The following LARGE1 variants were observed in gnomAD, a reference collection of about 807,000 sequenced individuals.
LARGE1 encodes xylosyl- and glucuronyltransferase LARGE1.
LARGE1 carries 43 observed loss-of-function variants against 87.6 expected under a neutral mutation model. The ratio of observed to expected loss-of-function variants is 0.49; its 90% CI spans 0.38 to 0.63. LARGE1 has a LOEUF of 0.63. Among genes scored for constraint, LARGE1 ranks in the 30% least tolerant of loss-of-function variants. The pLI is 0.00. For missense variants in LARGE1, 802 were observed against 1,000.2 expected, an observed-to-expected ratio of 0.80 and a Z score of 2.67; for synonymous variants, 434 against 394.6, an observed-to-expected ratio of 1.10 and a Z score of -1.18.
chr22:33,709,139 T>C (rs2082650435), intron 2 of LARGE1, among the ~76,000 whole-genome samples: 1 of 152,150 alleles, frequency 6.6e-6, no homozygotes, highest in Non-Finnish European at 1.5e-5. Flanking sequence ...ACTTCGGACA[T>C]GGAGGGGCGC....
intron 6 of LARGE1, among the ~76,000 whole-genome samples, chr22:33,456,060 G>A (rs1286821699): frequency 6.6e-6 from 1 of 152,214 alleles, no homozygotes. Context: ...GCTAAGGCCA[G>A]CTTTGTAGCT....
chr22:33,425,044 A>G (rs1476673594), intron 7 of LARGE1, among the ~76,000 whole-genome samples: 1 of 151,894 alleles, frequency 6.6e-6, no homozygotes, highest in Non-Finnish European at 1.5e-5. Flanking sequence ...CGGGTGGATC[A>G]TGAGGTTAGG....
intron 11 of LARGE1, among the ~76,000 whole-genome samples, chr22:33,195,943 A>C (rs1053355701): frequency 7.9e-5 from 12 of 151,546 alleles, no homozygotes; most frequent in Non-Finnish European, 2.9e-5. Context: ...TATTTTTAGT[A>C]GAGACGGAGT....
intron 9 of LARGE1, among the ~76,000 whole-genome samples, chr22:33,350,942 T>C (rs1940314679): frequency 6.6e-6 from 1 of 152,320 alleles, no homozygotes; most frequent in Admixed American, 6.5e-5. Flanking sequence ...TGAGGAGACA[T>C]TAAGAGAAAA....
intron 6 of LARGE1, among the ~76,000 whole-genome samples, chr22:33,559,579 T>C (rs2077793802): frequency 1.3e-5 from 2 of 152,210 alleles, no homozygotes; most frequent in African/African-American, 4.8e-5. Context: ...ACAGCTGTCA[T>C]GAGGTAATCA....
chr22:33,221,165 TAA>T (rs1925437377), intron 11 of LARGE1, among the ~76,000 whole-genome samples: 1 of 114,762 alleles, frequency 8.7e-6, no homozygotes, highest in Non-Finnish European at 1.6e-5. Flanking sequence ...TTGCCGTTGT[TAA>T]AAAGAGAGAG....
the LARGE1 span, among the ~76,000 whole-genome samples, chr22:33,074,504 A>G: frequency 3.7e-4 from 56 of 152,176 alleles, no homozygotes; most frequent in Non-Finnish European, 7.8e-4. Flanking sequence ...GTGAAACCCC[A>G]TCTCTACTAA....
At chr22:33,782,096 C>T (rs1373396573) in intron 1 of LARGE1, among the ~76,000 whole-genome samples, 3 of 152,144 alleles carry the variant, frequency 2.0e-5, no homozygotes, top group Non-Finnish European at 2.9e-5. Context: ...CAAAGTTAGC[C>T]AGAGGGCAAA....
At chr22:33,390,118 A>C (rs1169914701) in intron 7 of LARGE1, among the ~76,000 whole-genome samples, 1 of 152,196 alleles carries the variant, frequency 6.6e-6, no homozygotes, top group Non-Finnish European at 1.5e-5. Flanking sequence ...TGCCTCTGTG[A>C]ATTTGATGAG....
chr22:33,762,215 A>T (rs1257342955), intron 1 of LARGE1, among the ~76,000 whole-genome samples: 1 of 17,018 alleles, frequency 5.9e-5, no homozygotes, highest in African/African-American at 2.8e-4. Context: ...TTCTATCTCA[A>T]AAAAAAAAAA....
the LARGE1 span, among the ~76,000 whole-genome samples, chr22:33,104,421 A>G: frequency 1.3e-5 from 2 of 152,204 alleles, no homozygotes; most frequent in African/African-American, 2.4e-5. Context: ...ACTGATGGTA[A>G]ATGCTGATAG....
chr22:33,833,126 T>C (rs1013538943), intron 1 of LARGE1, among the ~76,000 whole-genome samples: 1 of 152,142 alleles, frequency 6.6e-6, no homozygotes, highest in Non-Finnish European at 1.5e-5. Flanking sequence ...CCTGTAGAGG[T>C]AGCTGACTTT....
In LARGE1 at chr22:33,431,357, C is replaced by T. The variant is rs183110470; in HGVS notation, c.892+804G>A. The stretch of plus-strand genomic sequence containing the variant: ...ATGGATGAATGAAGGACACCAATAA[C>T]AGAGAAAGAAACTGAAGAGGAGATG... On this transcript the variant is annotated intron_variant, in intron 7 of 14. Transcript: ENST00000397394. Among the ~76,000 whole-genome samples, 5 of 151,440 alleles carry T rather than the reference C, an allele frequency of 3.3e-5. No individual in the cohort carries two copies. The East Asian group carries it at 7.7e-4, about 23-fold the overall frequency.
rs893000152 is a variant in LARGE1 at position 33,610,066 on chromosome 22, A to T, written c.492-5508T>A. ...TGCTTGTACAGCCTGCAGAATCATG[A>T]GCCAATTAAACCATTTTTCTTTATA... On this transcript the variant is annotated intron_variant, in intron 4 of 14. Coordinates refer to ENST00000397394, the MANE Select transcript of LARGE1 (RefSeq NM_133642.5). Among the ~76,000 whole-genome samples, 45 of 152,162 alleles carry T rather than the reference A, an allele frequency of 3.0e-4. 1 individual carries two copies. Among genetic ancestry groups the T allele is most frequent in the Non-Finnish European group, 5.4e-4 (37 of 68,032 alleles).
At chr22:33,919,615 C>T (rs1161978850) in intron 1 of LARGE1, among the ~76,000 whole-genome samples, 1 of 152,252 alleles carries the variant, frequency 6.6e-6, no homozygotes, top group South Asian at 2.1e-4. Flanking sequence ...AAGGTAGTTG[C>T]GTACCGCCCA....
At chr22:33,297,609 CA>C (rs201010972) in intron 12 of LARGE1, among the ~76,000 whole-genome samples, 10,512 of 62,780 alleles carry the variant, frequency 0.17, 1,026 homozygotes, top group African/African-American at 0.38. Context: ...GACTCCGTCT[CA>C]AAAAAAAAAA....
chr22:33,386,708 G>T (rs1235516891), intron 7 of LARGE1, among the ~76,000 whole-genome samples: 1 of 148,204 alleles, frequency 6.7e-6, no homozygotes, highest in Non-Finnish European at 1.5e-5. Flanking sequence ...ACAATGTTGG[G>T]GGGGGTAGAA....
chr22:33,604,773 G>T (rs948182074), intron 4 of LARGE1, among the ~76,000 whole-genome samples: 4 of 152,200 alleles, frequency 2.6e-5, no homozygotes, highest in African/African-American at 9.6e-5. Context: ...GTGACTCAGA[G>T]AAGTGACAAC....
At chr22:33,654,628 G>A (rs2080910388) in intron 2 of LARGE1, among the ~76,000 whole-genome samples, 2 of 152,204 alleles carry the variant, frequency 1.3e-5, no homozygotes, top group African/African-American at 4.8e-5. Flanking sequence ...GGTCAGGGTA[G>A]TGAACAGCCA....
Sources: allele counts gnomAD v4.1 joint callset (sites outside exome capture counted in the v4.1 genomes callset), GRCh38; gene constraint gnomAD v4.1.1; transcripts MANE v1.5; gene names NCBI Gene and HGNC (gene_info 2026-07-23, HGNC 2026-07-21).